ARSB: variants seen among roughly 807,000 people sequenced by gnomAD.
ARSB encodes N-acetylgalactosamine-4-sulfatase.
ARSB carries 41 observed loss-of-function variants against 50.9 expected under a neutral mutation model. That is an observed-to-expected ratio of 0.81 (90% CI 0.63 to 1.04). The LOEUF (loss-of-function observed/expected upper bound fraction) is 1.04, where lower values mean the gene tolerates loss of function less well. Ranked by LOEUF, ARSB falls within the 50% of genes least tolerant of loss-of-function variation. The probability of loss-of-function intolerance (pLI) is 0.00; values close to 1 mark genes in which losing one functional copy is unlikely to be tolerated. For synonymous variants in ARSB, 269 were observed against 284.8 expected (o/e 0.94, Z 0.56); for missense variants, 672 against 693.3 (o/e 0.97, Z 0.35).
intron 6 of ARSB, chr5:78,816,223 T>C: frequency 1.9e-6 from 3 of 1,598,830 alleles, no homozygotes; most frequent in Non-Finnish European, 1.7e-6. Flanking sequence ...CTCACTAGAC[T>C]GTGAATTCCT....
At position 78,778,898 on chromosome 5, in the gene ARSB, G is replaced by C. The variant is rs886060787; in HGVS notation, c.*1499C>G. On this transcript the variant is annotated 3_prime_UTR_variant, in exon 8 of 8. Coordinates refer to ENST00000264914, the MANE Select transcript of ARSB (RefSeq NM_000046.5). ...CTGGGTGTGGCGGTATATGCCTGTAGTTCCAGCTATTTGGGTGCCTGAGGT... is the reference window on the plus strand; with the variant it reads ...CTGGGTGTGGCGGTATATGCCTGTACTTCCAGCTATTTGGGTGCCTGAGGT... 4.6e-5 allele frequency: 7 copies of C among 152,062 alleles called. No homozygotes were observed. Among genetic ancestry groups the C allele is most frequent in the Non-Finnish European group, 1.0e-4 (7 of 68,018 alleles). The allele number at this position is 152,062 out of a possible 1,614,324, so 9.4% of individuals were successfully genotyped here. A position where few individuals can be genotyped will look rare whatever the true frequency, so the allele number is the denominator to read the frequency against.
chr5:78,830,552 C>T (rs10058261), intron 6 of ARSB, among the ~76,000 whole-genome samples: 6,995 of 152,114 alleles, frequency 0.046, 185 homozygotes, highest in African/African-American at 0.055. Flanking sequence ...TGTATTTTCT[C>T]GGGATGAAAG....
chr5:78,872,914 A>G (rs1747295329), intron 5 of ARSB, among the ~76,000 whole-genome samples: 1 of 152,152 alleles, frequency 6.6e-6, no homozygotes, highest in Non-Finnish European at 1.5e-5. Context: ...AGTAAATGAA[A>G]GTGTCCAAAT....
At chr5:78,913,177 T>C (rs1197803322) in intron 4 of ARSB, among the ~76,000 whole-genome samples, 3 of 150,948 alleles carry the variant, frequency 2.0e-5, no homozygotes, top group Non-Finnish European at 4.4e-5. Flanking sequence ...CAGGCTGGAG[T>C]GCAGTGGCGC....
chr5:78,840,051 T>A (rs1284889517), intron 5 of ARSB, among the ~76,000 whole-genome samples: 10 of 152,192 alleles, frequency 6.6e-5, no homozygotes, highest in Admixed American at 6.5e-4. Flanking sequence ...TTCTTACAAA[T>A]GATGAAGGTA....
At chr5:78,912,878 T>A (rs909693588) in intron 4 of ARSB, among the ~76,000 whole-genome samples, 2 of 152,200 alleles carry the variant, frequency 1.3e-5, no homozygotes, top group Non-Finnish European at 2.9e-5. Flanking sequence ...TTAAAGCAGC[T>A]TTGCTGAAAG....
intron 6 of ARSB, among the ~76,000 whole-genome samples, chr5:78,836,146 T>C (rs4704526): frequency 0.35 from 53,459 of 152,070 alleles, 10,191 homozygotes; most frequent in Middle Eastern, 0.43. Flanking sequence ...ATCCTAAAAA[T>C]GAGCAGGCAC....
At chr5:78,810,105 T>C (rs1437768523) in intron 6 of ARSB, among the ~76,000 whole-genome samples, 1 of 152,190 alleles carries the variant, frequency 6.6e-6, no homozygotes, top group African/African-American at 2.4e-5. Context: ...ACTTCTCAAA[T>C]TTCCCGACCC....
intron 5 of ARSB, among the ~76,000 whole-genome samples, chr5:78,870,905 T>A (rs538251103): frequency 6.6e-6 from 1 of 152,334 alleles, no homozygotes; most frequent in African/African-American, 2.4e-5. Context: ...TGATTGTTTA[T>A]CTAGAAAACC....
intron 1 of ARSB, among the ~76,000 whole-genome samples, chr5:78,977,494 C>A (rs1752719847): frequency 6.6e-6 from 1 of 152,172 alleles, no homozygotes; most frequent in African/African-American, 2.4e-5. Flanking sequence ...TACTCCTTCT[C>A]CTTACCTCAC....
At chr5:78,904,611 A>G (rs1157613772) in intron 4 of ARSB, among the ~76,000 whole-genome samples, 1 of 151,414 alleles carries the variant, frequency 6.6e-6, no homozygotes, top group Non-Finnish European at 1.5e-5. Flanking sequence ...ATTATTCCAT[A>G]GGTCCCTGCA....
intron 6 of ARSB, among the ~76,000 whole-genome samples, chr5:78,806,171 AGT>A (rs1043764433): frequency 6.6e-6 from 1 of 152,220 alleles, no homozygotes; most frequent in African/African-American, 2.4e-5. Context: ...CTAACACCCT[AGT>A]GTGTAAGTTA....
At chr5:78,797,359 G>C (rs547948571) in intron 6 of ARSB, among the ~76,000 whole-genome samples, 18 of 152,168 alleles carry the variant, frequency 1.2e-4, no homozygotes, top group African/African-American at 3.6e-4. Flanking sequence ...CCAACATTTC[G>C]CTGGGTATTC....
Position 78,979,783 on chromosome 5 carries a change from G to A in ARSB, c.312+5154C>T, listed in dbSNP as rs574034402. Among the ~76,000 whole-genome samples the A allele has an allele frequency of 1.2e-4, 18 of 152,244 alleles. No individual in the cohort carries two copies. In the South Asian group the frequency reaches 3.7e-3, roughly 32 times the overall value. ...AGGAGAAGTCCTGCAACAATACGGC[G>A]TTTCACTCCTACATATTAACCCAAA... On this transcript the variant is annotated intron_variant, in intron 1 of 7. Coordinates refer to ENST00000264914, the MANE Select transcript of ARSB (RefSeq NM_000046.5).
chr5:78,971,879 T>C (rs6896300), intron 1 of ARSB, among the ~76,000 whole-genome samples: 40,967 of 152,182 alleles, frequency 0.27, 5,703 homozygotes, highest in Middle Eastern at 0.35. Flanking sequence ...CAGTTCATTG[T>C]ATGTCAATCA....
At chr5:78,867,118 A>G (rs886971379) in intron 5 of ARSB, among the ~76,000 whole-genome samples, 4 of 152,162 alleles carry the variant, frequency 2.6e-5, no homozygotes, top group African/African-American at 4.8e-5. Flanking sequence ...ACTGGCTTAA[A>G]AAACGGCGTA....
chr5:78,838,789 C>T (rs1392469547), intron 6 of ARSB, among the ~76,000 whole-genome samples: 1 of 152,200 alleles, frequency 6.6e-6, no homozygotes, highest in Non-Finnish European at 1.5e-5. Flanking sequence ...CATGCCTGCC[C>T]TGAAGGAAAT....
At chr5:78,974,142 A>G (rs538343274) in intron 1 of ARSB, among the ~76,000 whole-genome samples, 12 of 152,344 alleles carry the variant, frequency 7.9e-5, no homozygotes, top group African/African-American at 2.6e-4. Context: ...ACAAATGGAT[A>G]GTGGAAAATC....
intron 4 of ARSB, among the ~76,000 whole-genome samples, chr5:78,914,830 C>T (rs1423139274): frequency 6.6e-6 from 1 of 152,130 alleles, no homozygotes; most frequent in Non-Finnish European, 1.5e-5. Flanking sequence ...CCACGCCCAG[C>T]TAATTTTTCT....
Sources: allele counts gnomAD v4.1 joint callset (sites outside exome capture counted in the v4.1 genomes callset), GRCh38; gene constraint gnomAD v4.1.1; transcripts MANE v1.5; gene names NCBI Gene and HGNC (gene_info 2026-07-23, HGNC 2026-07-21).